Variants in SHISA9 observed in about 807,000 individuals in gnomAD.
SHISA9 encodes protein shisa-9.
SHISA9 carries 13 observed loss-of-function variants against 38.0 expected under a neutral mutation model. The ratio of observed to expected loss-of-function variants is 0.34; its 90% CI spans 0.22 to 0.54. The LOEUF (loss-of-function observed/expected upper bound fraction) is 0.54, where lower values mean the gene tolerates loss of function less well. Among genes scored for constraint, SHISA9 ranks in the 20% least tolerant of loss-of-function variants. SHISA9 has a pLI of 0.91. For missense variants in SHISA9, 538 were observed against 575.8 expected (o/e 0.93, Z 0.67); for synonymous variants, 275 against 242.0 (o/e 1.14, Z -1.27).
intron 2 of SHISA9, among the ~76,000 whole-genome samples, chr16:13,172,426 A>C (rs2050694381): frequency 6.6e-6 from 1 of 152,228 alleles, no homozygotes; most frequent in African/African-American, 2.4e-5. Flanking sequence ...TTCATCCTCA[A>C]GGGAATTAGT....
the SHISA9 span, among the ~76,000 whole-genome samples, chr16:13,477,731 G>C: frequency 6.6e-6 from 1 of 152,180 alleles, no homozygotes; most frequent in Non-Finnish European, 1.5e-5. Flanking sequence ...TTGGGAGGCC[G>C]AGGCAGGTGG....
intron 2 of SHISA9, among the ~76,000 whole-genome samples, chr16:12,959,289 G>A (rs1336348234): frequency 1.3e-5 from 2 of 152,218 alleles, no homozygotes; most frequent in African/African-American, 2.4e-5. Flanking sequence ...GCCTCTGCAG[G>A]GTGCTGGTTA....
intron 2 of SHISA9, among the ~76,000 whole-genome samples, chr16:13,090,465 G>A (rs1244072528): frequency 1.3e-5 from 2 of 152,152 alleles, no homozygotes; most frequent in Non-Finnish European, 2.9e-5. Context: ...CTAAGGACTT[G>A]CTTTATGAAT....
intron 2 of SHISA9, among the ~76,000 whole-genome samples, chr16:13,016,723 T>C (rs887438594): frequency 6.6e-6 from 1 of 152,182 alleles, no homozygotes; most frequent in Non-Finnish European, 1.5e-5. Flanking sequence ...ACATGTAAAA[T>C]TTTACAAAAG....
chr16:13,166,787 G>A (rs1014282836), intron 2 of SHISA9, among the ~76,000 whole-genome samples: 3 of 152,162 alleles, frequency 2.0e-5, no homozygotes, highest in African/African-American at 7.2e-5. Flanking sequence ...AAAGAAGCCA[G>A]ACCATGGTGG....
the SHISA9 span, among the ~76,000 whole-genome samples, chr16:13,444,391 AGAAG>A: frequency 1.8e-4 from 21 of 119,688 alleles, no homozygotes; most frequent in Middle Eastern, 3.8e-3. Flanking sequence ...GAAGAAGGAA[AGAAG>A]GAAGGAAGGG....
chr16:13,195,545 A>G (rs2050929463), intron 2 of SHISA9, among the ~76,000 whole-genome samples: 1 of 152,216 alleles, frequency 6.6e-6, no homozygotes, highest in Admixed American at 6.5e-5. Context: ...CCTACTCCTT[A>G]GATACGGTGT....
chr16:13,219,190 A>C (rs1298616183), intron 4 of SHISA9, among the ~76,000 whole-genome samples: 1 of 152,248 alleles, frequency 6.6e-6, no homozygotes, highest in African/African-American at 2.4e-5. Context: ...TCAAGATTGC[A>C]ATAAACATTT....
chr16:13,400,216 C>A, the SHISA9 span, among the ~76,000 whole-genome samples: 2 of 152,120 alleles, frequency 1.3e-5, no homozygotes, highest in South Asian at 2.1e-4. Flanking sequence ...CTTGCCTCTC[C>A]GGTAGAACCA....
the SHISA9 span, among the ~76,000 whole-genome samples, chr16:13,501,026 G>A: frequency 1.3e-5 from 2 of 152,158 alleles, no homozygotes; most frequent in South Asian, 2.1e-4. Flanking sequence ...GCTGGAGGAC[G>A]GGTGCACTTT....
chr16:13,446,159 A>G, the SHISA9 span, among the ~76,000 whole-genome samples: 1 of 151,902 alleles, frequency 6.6e-6, no homozygotes, highest in Non-Finnish European at 1.5e-5. Context: ...GCTGGCCAGG[A>G]TGGTCTCGGT....
At chr16:13,426,116 A>C in the SHISA9 span, among the ~76,000 whole-genome samples, 73 of 152,176 alleles carry the variant, frequency 4.8e-4, no homozygotes, top group Non-Finnish European at 7.8e-4. Context: ...TCACAGTTCA[A>C]AGGCTTCTGC....
the SHISA9 span, among the ~76,000 whole-genome samples, chr16:13,503,563 G>C: frequency 6.6e-6 from 1 of 152,168 alleles, no homozygotes; most frequent in South Asian, 2.1e-4. Flanking sequence ...ATTCCAAAGA[G>C]GCAAAACTGA....
the SHISA9 span, among the ~76,000 whole-genome samples, chr16:13,416,922 G>A: frequency 6.2e-3 from 947 of 152,000 alleles, 12 homozygotes; most frequent in African/African-American, 0.021. Context: ...GAAAGAAAAA[G>A]GAAGAAATAA....
chr16:13,510,257 G>A, the SHISA9 span, among the ~76,000 whole-genome samples: 3 of 152,276 alleles, frequency 2.0e-5, no homozygotes, highest in Non-Finnish European at 4.4e-5. Flanking sequence ...TCAGTGAGCC[G>A]AGATTGTGCC....
the SHISA9 span, among the ~76,000 whole-genome samples, chr16:13,520,320 C>T: frequency 6.6e-6 from 1 of 152,064 alleles, no homozygotes. Flanking sequence ...TTCTAGGGGG[C>T]CAGGCGTGGT....
downstream of SHISA9, among the ~76,000 whole-genome samples, chr16:13,244,778 A>G (rs114833939): frequency 7.9e-4 from 120 of 152,336 alleles, no homozygotes; most frequent in African/African-American, 2.8e-3. Context: ...AAATAACATG[A>G]GGTTTCAAAG....
intron 2 of SHISA9, among the ~76,000 whole-genome samples, chr16:13,068,906 G>A (rs1245956578): frequency 6.6e-6 from 1 of 152,158 alleles, no homozygotes; most frequent in East Asian, 1.9e-4. Context: ...GAATGTGTAT[G>A]TGTGTATGTG....
chr16:13,219,813 C>T (rs1233974310), intron 4 of SHISA9, among the ~76,000 whole-genome samples: 1 of 152,086 alleles, frequency 6.6e-6, no homozygotes, highest in African/African-American at 2.4e-5. Flanking sequence ...CAAAAATTAG[C>T]TGGGCATGAT....
Sources: allele counts gnomAD v4.1 joint callset (sites outside exome capture counted in the v4.1 genomes callset), GRCh38; gene constraint gnomAD v4.1.1; transcripts MANE v1.5; gene names NCBI Gene and HGNC (gene_info 2026-07-23, HGNC 2026-07-21).